ELP3: variants seen among roughly 807,000 people sequenced by gnomAD.
ELP3 encodes elongator complex protein 3.
In ELP3, 56 loss-of-function variants were observed where a neutral mutation model predicts 74.9. The observed-to-expected ratio is 0.75, with a 90% CI of 0.60 to 0.93. The LOEUF (loss-of-function observed/expected upper bound fraction) is 0.93, where lower values mean the gene tolerates loss of function less well. Ranked by LOEUF, ELP3 falls within the 40% of genes least tolerant of loss-of-function variation. The probability of loss-of-function intolerance (pLI) is 0.00; values close to 1 mark genes in which losing one functional copy is unlikely to be tolerated. For missense variants in ELP3, 573 were observed against 686.5 expected, an observed-to-expected ratio of 0.83 and a Z score of 1.85; for synonymous variants, 222 against 239.8, an observed-to-expected ratio of 0.93 and a Z score of 0.68.
chr8:28,166,943 A>T (rs1343725880), intron 14 of ELP3, among the ~76,000 whole-genome samples: 1 of 152,236 alleles, frequency 6.6e-6, no homozygotes, highest in Non-Finnish European at 1.5e-5. Flanking sequence ...CATCATAAGC[A>T]GTATTCTATT....
At chr8:28,153,121 C>G (rs939325039) in intron 10 of ELP3, among the ~76,000 whole-genome samples, 2 of 152,140 alleles carry the variant, frequency 1.3e-5, no homozygotes, top group African/African-American at 4.8e-5. Flanking sequence ...CTAGAAAATC[C>G]TTGTGGGGTT....
intron 8 of ELP3, among the ~76,000 whole-genome samples, chr8:28,130,311 G>A (rs368273266): frequency 2.0e-5 from 3 of 152,164 alleles, no homozygotes; most frequent in Admixed American, 6.5e-5. Context: ...GAATTCTAAC[G>A]GTGGGCTTTG....
At chr8:28,146,711 A>C (rs1399735447) in intron 10 of ELP3, among the ~76,000 whole-genome samples, 4 of 152,200 alleles carry the variant, frequency 2.6e-5, no homozygotes, top group African/African-American at 7.2e-5. Flanking sequence ...CATGTTCAGC[A>C]TACATAGAAT....
At chr8:28,180,537 C>T (rs1814964374) in intron 14 of ELP3, among the ~76,000 whole-genome samples, 1 of 152,230 alleles carries the variant, frequency 6.6e-6, no homozygotes, top group Non-Finnish European at 1.5e-5. Context: ...CAGTCTGTGT[C>T]ACGTGATGTC....
chr8:28,182,604 A>AC (rs532061113), intron 14 of ELP3, among the ~76,000 whole-genome samples: 34 of 151,070 alleles, frequency 2.3e-4, no homozygotes, highest in East Asian at 9.7e-4. Flanking sequence ...TTCTCCACCC[A>AC]CCCCCCCTTT....
intron 4 of ELP3, among the ~76,000 whole-genome samples, chr8:28,107,303 A>G (rs1032347676): frequency 2.0e-5 from 3 of 152,206 alleles, no homozygotes; most frequent in Admixed American, 6.5e-5. Context: ...GCAATATACA[A>G]TTCTAAAAAT....
At chr8:28,177,496 C>G (rs1814807473) in intron 14 of ELP3, among the ~76,000 whole-genome samples, 2 of 152,158 alleles carry the variant, frequency 1.3e-5, no homozygotes, top group Admixed American at 1.3e-4. Flanking sequence ...TAATTGAACC[C>G]AAAAGCAATT....
chr8:28,111,979 C>T (rs539789188), intron 6 of ELP3, among the ~76,000 whole-genome samples: 41 of 152,212 alleles, frequency 2.7e-4, no homozygotes, highest in Non-Finnish European at 1.2e-4. Context: ...TATATGTACA[C>T]ACATGCATAT....
rs1489609858 is a variant in ELP3, at chr8:28,160,443, A to C, written c.1472A>C (p.Lys491Thr). The C allele has an allele frequency of 6.2e-7, 1 of 1,613,624 alleles. No individual in the cohort carries two copies. The highest frequency in any genetic ancestry group is 8.5e-7 in the Non-Finnish European group (1 of 1,179,816). Residue 491 changes from lysine (K) to threonine (T), a missense_variant, in exon 13 of 15, where the codon AAA (lysine) becomes ACA (threonine). By Grantham distance (78) the Lys-to-Thr change is moderately conservative. Transcript: ENST00000256398. ...VVPVSSRDPT[K>T]FQHQGFGMLL... The stretch of plus-strand genomic sequence containing the variant: ...CCTGTGAGCAGCCGGGATCCTACTA[A>C]ATTTCAGCATCAGGTATCCTGTATT...
At chr8:28,139,851 A>C (rs1259741268) in intron 10 of ELP3, among the ~76,000 whole-genome samples, 2 of 152,226 alleles carry the variant, frequency 1.3e-5, no homozygotes, top group Non-Finnish European at 2.9e-5. Context: ...AGGCTGAGGC[A>C]GGAGAATCAC....
chr8:28,189,865 C>T lies in ELP3; in HGVS notation c.*140C>T. The T allele has an allele frequency of 1.1e-6, 1 of 915,216 alleles. No homozygotes were observed. The highest frequency in any genetic ancestry group is 1.7e-6 in the Non-Finnish European group (1 of 600,552). 56.7% of individuals were successfully genotyped at this position (915,216 alleles called of 1,614,324 possible). A position where few individuals can be genotyped will look rare whatever the true frequency, so the allele number is the denominator to read the frequency against. ...ATCCCGCAGCTGCAGAGACTGGAAA[C>T]TGCCTTCAAGGCCACGGCTGGTCAT... is the stretch of plus-strand genomic sequence containing the variant. On this transcript the variant is annotated 3_prime_UTR_variant, in exon 15 of 15. Coordinates refer to ENST00000256398, the MANE Select transcript of ELP3 (RefSeq NM_018091.6).
At chr8:28,149,888 T>G (rs2090490005) in intron 10 of ELP3, among the ~76,000 whole-genome samples, 1 of 152,224 alleles carries the variant, frequency 6.6e-6, no homozygotes, top group Admixed American at 6.5e-5. Context: ...TTTGTGGTTT[T>G]AATTAAGCAT....
chr8:28,189,742 C>G lies in ELP3; in HGVS notation c.*17C>G. 1 of 1,611,194 alleles carries G rather than the reference C, an allele frequency of 6.2e-7. No individual in the cohort carries two copies. Among genetic ancestry groups the G allele is most frequent in the Admixed American group, 1.7e-5 (1 of 60,018 alleles). ...CTGAAATAATGGCCACACCAGTCCA[C>G]TCTTCTGCAGTATCCTCCCTGGCAG... On this transcript the variant is annotated 3_prime_UTR_variant, in exon 15 of 15. Transcript: ENST00000256398.
intron 9 of ELP3, among the ~76,000 whole-genome samples, chr8:28,134,722 C>T (rs10103080): frequency 6.6e-6 from 1 of 152,136 alleles, no homozygotes; most frequent in Non-Finnish European, 1.5e-5. Flanking sequence ...TTTTCTACAG[C>T]ACCTTGGTCT....
chr8:28,119,575 TATATATA>T (rs1563257207), intron 7 of ELP3, among the ~76,000 whole-genome samples: 11 of 268 alleles, frequency 0.041, 1 homozygote, highest in East Asian at 0.2. Flanking sequence ...TGGCGTTTTA[TATATATA>T]TATATATATA....
chr8:28,098,781 C>A (rs939495493), intron 2 of ELP3, among the ~76,000 whole-genome samples: 2 of 152,176 alleles, frequency 1.3e-5, no homozygotes. Flanking sequence ...GTTTTTGCAT[C>A]TGCACATAAA....
intron 14 of ELP3, among the ~76,000 whole-genome samples, chr8:28,180,756 TAGA>T (rs1333307833): frequency 6.6e-6 from 1 of 152,216 alleles, no homozygotes; most frequent in Non-Finnish European, 1.5e-5. Context: ...GTGGTTTATC[TAGA>T]AGATTCCTAT....
Position 28,132,398 on chromosome 8 carries a change from GTTCACAGTAAGTGTGAC to G in ELP3, c.905_906+15del. ...TGGGACTAGAAAGAGACATTGAACA[GTTCACAGTAAGTGTGAC>G]TTCAGCCAGGCGCATTCAGAATGGC... On this transcript the variant is annotated splice_donor_variant and splice_donor_5th_base_variant and coding_sequence_variant and intron_variant, in exon 9 of 15. Transcript: ENST00000256398. LOFTEE classifies it high-confidence loss of function. 1 of 1,614,092 alleles carries G rather than the reference GTTCACAGTAAGTGTGAC, an allele frequency of 6.2e-7. No individual in the cohort carries two copies. The highest frequency in any genetic ancestry group is 8.5e-7 in the Non-Finnish European group (1 of 1,179,950).
intron 10 of ELP3, among the ~76,000 whole-genome samples, chr8:28,142,923 TAAGCATGAGGAG>T (rs1392862817): frequency 6.6e-6 from 1 of 152,206 alleles, no homozygotes; most frequent in African/African-American, 2.4e-5. Flanking sequence ...TACTTTTTTG[TAAGCATGAGGAG>T]AATTCCTTGA....
Sources: gnomAD v4.1 joint callset for allele counts (sites outside exome capture counted in the v4.1 genomes callset) on GRCh38, gnomAD v4.1.1 for gene constraint, MANE v1.5 for transcripts, NCBI Gene and HGNC (gene_info 2026-07-23, HGNC 2026-07-21) for gene names.